SPOCK3: variants seen among roughly 807,000 people sequenced by gnomAD.
SPOCK3 encodes testican-3.
In SPOCK3, 30 loss-of-function variants were observed where a neutral mutation model predicts 56.6. That is an observed-to-expected ratio of 0.53 (90% CI 0.40 to 0.72). The LOEUF is 0.72. Among genes scored for constraint, SPOCK3 ranks in the 30% least tolerant of loss-of-function variants. The pLI is 0.00. For missense variants in SPOCK3, 527 were observed against 530.0 expected (o/e 0.99, Z 0.06); for synonymous variants, 196 against 183.3 (o/e 1.07, Z -0.56).
intron 4 of SPOCK3, among the ~76,000 whole-genome samples, chr4:166,986,365 T>C (rs1408116819): frequency 1.3e-5 from 2 of 152,126 alleles, no homozygotes; most frequent in Non-Finnish European, 2.9e-5. Context: ...GGAGAAACTG[T>C]CCTCCTTAAA....
intron 3 of SPOCK3, among the ~76,000 whole-genome samples, chr4:167,030,772 C>A (rs1341449174): frequency 6.6e-6 from 1 of 151,958 alleles, no homozygotes; most frequent in Non-Finnish European, 1.5e-5. Flanking sequence ...AGGTAAGAAT[C>A]CTACCTTACT....
chr4:166,906,644 A>G (rs1026268484), intron 5 of SPOCK3, among the ~76,000 whole-genome samples: 2 of 151,996 alleles, frequency 1.3e-5, no homozygotes, highest in African/African-American at 4.8e-5. Context: ...AGGCTTATTT[A>G]TCATGCATAA....
intron 2 of SPOCK3, among the ~76,000 whole-genome samples, chr4:167,213,276 T>C (rs1253891435): frequency 6.6e-6 from 1 of 152,202 alleles, no homozygotes; most frequent in Non-Finnish European, 1.5e-5. Flanking sequence ...CCTGTGTTTG[T>C]GCAAAAACAG....
chr4:166,817,464 C>T (rs115048444), intron 6 of SPOCK3, among the ~76,000 whole-genome samples: 3,536 of 152,016 alleles, frequency 0.023, 50 homozygotes, highest in Non-Finnish European at 0.037. Context: ...TGTGAGGGAC[C>T]CGTAGAGTAT....
At chr4:167,186,838 G>T (rs550030969) in intron 2 of SPOCK3, among the ~76,000 whole-genome samples, 6 of 151,614 alleles carry the variant, frequency 4.0e-5, no homozygotes, top group Non-Finnish European at 7.4e-5. Flanking sequence ...TTAGCTGGGC[G>T]TGGTGGCACA....
At chr4:166,965,211 C>T (rs560697191) in intron 4 of SPOCK3, among the ~76,000 whole-genome samples, 10 of 151,982 alleles carry the variant, frequency 6.6e-5, no homozygotes, top group African/African-American at 2.4e-4. Context: ...TTTACCAATT[C>T]ATGTAAAATG....
intron 6 of SPOCK3, among the ~76,000 whole-genome samples, chr4:166,856,590 A>G (rs1304885929): frequency 1.3e-5 from 2 of 152,134 alleles, no homozygotes; most frequent in African/African-American, 2.4e-5. Context: ...CCTGGCCAAC[A>G]TGGTGAAACC....
intron 2 of SPOCK3, among the ~76,000 whole-genome samples, chr4:167,173,780 G>T (rs970618752): frequency 6.6e-6 from 1 of 152,082 alleles, no homozygotes; most frequent in African/African-American, 2.4e-5. Context: ...AGAAGGAGGA[G>T]GATGACTAGC....
chr4:167,116,639 C>T (rs1264996503), intron 2 of SPOCK3, among the ~76,000 whole-genome samples: 9 of 115,498 alleles, frequency 7.8e-5, no homozygotes, highest in African/African-American at 1.0e-4. Flanking sequence ...ATACTATATA[C>T]GTATATATAT....
intron 4 of SPOCK3, among the ~76,000 whole-genome samples, chr4:166,914,784 T>C (rs1396069407): frequency 6.6e-6 from 1 of 151,968 alleles, no homozygotes; most frequent in East Asian, 1.9e-4. Flanking sequence ...AAAATACAAT[T>C]GAAGATTTAT....
chr4:167,099,592 G>C (rs570168334), intron 2 of SPOCK3, among the ~76,000 whole-genome samples: 1 of 151,954 alleles, frequency 6.6e-6, no homozygotes, highest in African/African-American at 2.4e-5. Flanking sequence ...TACTTTATGC[G>C]TATCTTTCAC....
chr4:166,910,130 A>G (rs776852104), intron 5 of SPOCK3, among the ~76,000 whole-genome samples: 1 of 152,134 alleles, frequency 6.6e-6, no homozygotes, highest in Admixed American at 6.6e-5. Context: ...TCATTGTTTT[A>G]TATAGCTCAG....
chr4:167,115,640 A>T (rs1417650187), intron 2 of SPOCK3, among the ~76,000 whole-genome samples: 1 of 152,136 alleles, frequency 6.6e-6, no homozygotes, highest in Non-Finnish European at 1.5e-5. Flanking sequence ...ACAATAAAGC[A>T]TAAGGTAAAG....
rs1476375723 is a variant in SPOCK3 at position 166,763,274 on chromosome 4, C to T, written c.710-8545G>A. On this transcript the variant is annotated intron_variant, in intron 7 of 10. Transcript: ENST00000357545. ...GACAATGGAAAATTTCTAAAGTACT[C>T]AAACAAAGAAAAAGCCATACCTAGC... Among the ~76,000 whole-genome samples, 3 of 152,012 alleles carry T rather than the reference C, an allele frequency of 2.0e-5. No individual in the cohort carries two copies. In the East Asian group the frequency reaches 5.8e-4, roughly 29 times the overall value.
intron 2 of SPOCK3, among the ~76,000 whole-genome samples, chr4:167,177,713 G>T (rs1385688389): frequency 6.6e-6 from 1 of 152,080 alleles, no homozygotes; most frequent in Non-Finnish European, 1.5e-5. Context: ...ACATTTTGTG[G>T]TTTTTACACT....
intron 2 of SPOCK3, among the ~76,000 whole-genome samples, chr4:167,064,077 C>T (rs1194702744): frequency 1.3e-5 from 2 of 151,694 alleles, no homozygotes; most frequent in Non-Finnish European, 2.9e-5. Context: ...GTAGCACTGA[C>T]TTCAATCATA....
intron 5 of SPOCK3, among the ~76,000 whole-genome samples, chr4:166,899,295 T>C (rs901639847): frequency 3.3e-5 from 5 of 151,302 alleles, no homozygotes; most frequent in African/African-American, 1.2e-4. Flanking sequence ...TCTATCTATC[T>C]ATCTATGTAC....
intron 6 of SPOCK3, among the ~76,000 whole-genome samples, chr4:166,821,139 A>T (rs892710977): frequency 2.6e-5 from 4 of 152,086 alleles, no homozygotes; most frequent in Non-Finnish European, 5.9e-5. Flanking sequence ...AGAAAAATCA[A>T]ATTAAAAATA....
intron 2 of SPOCK3, among the ~76,000 whole-genome samples, chr4:167,099,448 C>T (rs898085852): frequency 9.2e-5 from 14 of 151,880 alleles, no homozygotes; most frequent in Middle Eastern, 3.4e-3. Flanking sequence ...ATTAGATGCA[C>T]ATGTGACAAA....
Sources: gnomAD v4.1 joint callset for allele counts (sites outside exome capture counted in the v4.1 genomes callset) on GRCh38, gnomAD v4.1.1 for gene constraint, MANE v1.5 for transcripts, NCBI Gene and HGNC (gene_info 2026-07-23, HGNC 2026-07-21) for gene names.